Variants in CKAP2 observed in about 807,000 individuals in gnomAD.
CKAP2 encodes the protein cytoskeleton-associated protein 2.
CKAP2 carries 46 observed loss-of-function variants against 58.4 expected under a neutral mutation model. The ratio of observed to expected loss-of-function variants is 0.79; its 90% CI spans 0.62 to 1.01. CKAP2 has a LOEUF of 1.01. CKAP2 is among the 50% of genes least tolerant of loss of function. The pLI is 0.00. For missense variants in CKAP2, 809 were observed against 796.4 expected, an observed-to-expected ratio of 1.02 and a Z score of -0.19; for synonymous variants, 293 against 280.9, an observed-to-expected ratio of 1.04 and a Z score of -0.43.
intron 2 of CKAP2, among the ~76,000 whole-genome samples, chr13:52,459,697 A>G (rs1353078974): frequency 2.0e-5 from 3 of 152,062 alleles, no homozygotes; most frequent in African/African-American, 7.2e-5. Flanking sequence ...TCTTAAAATC[A>G]ATGGCATGTC....
intron 6 of CKAP2, chr13:52,465,931 A>G: frequency 3.2e-6 from 1 of 314,202 alleles, no homozygotes; most frequent in Non-Finnish European, 6.2e-6. Context: ...ATATATATAC[A>G]CACATATATA....
intron 2 of CKAP2, among the ~76,000 whole-genome samples, chr13:52,457,698 C>A (rs1217521936): frequency 2.0e-5 from 3 of 152,018 alleles, no homozygotes; most frequent in Non-Finnish European, 4.4e-5. Context: ...ACTAAAAATA[C>A]AAAAAATTAG....
At position 52,473,859 on chromosome 13, in the gene CKAP2, A is replaced by G. The variant is rs377566863; in HGVS notation, c.1577A>G (p.Lys526Arg). 22 of 1,611,814 alleles carry G rather than the reference A, an allele frequency of 1.4e-5. No individual in the cohort carries two copies. The highest frequency in any genetic ancestry group is 1.6e-5 in the Non-Finnish European group (19 of 1,179,100). The change falls in exon 8 of 9, where the codon AAG (lysine) becomes AGG (arginine). Residue 526 changes from lysine to arginine, a missense_variant. By Grantham distance (26) the Lys-to-Arg change is conservative. Around this residue, in one of 3 missense-constraint regions of CKAP2, gnomAD observed 283 missense variants for 287.6 expected, o/e 0.98. Transcript: ENST00000258607. Reference protein sequence around the residue: ...GENMEKSCASKEEVKEVSIED... With the variant: ...GENMEKSCASREEVKEVSIED... Reference sequence around the variant, plus strand: ...AATATGGAGAAGTCTTGTGCAAGCAAGGAAGAAGTCAAAGAAGTCAGTATT... The same window carrying G: ...AATATGGAGAAGTCTTGTGCAAGCAGGGAAGAAGTCAAAGAAGTCAGTATT...
chr13:52,455,998 TTAGG>T lies in CKAP2; in HGVS notation c.70+374_70+377del, dbSNP rs959680728. ...GCGCCTGCGCTGGGTCCTCCGCCTC[TTAGG>T]TCCCTAGCGAATTTCTGCAGGGCTG... On this transcript the variant is annotated intron_variant, in intron 1 of 8. Transcript: ENST00000258607. 3.7e-6 allele frequency: 4 copies of T among 1,073,538 alleles called. No homozygotes were observed. In the African/African-American group the frequency reaches 6.8e-5, roughly 18 times the overall value. The allele number at this position is 1,073,538 out of a possible 1,614,324, so 66.5% of individuals were successfully genotyped here. A position where few individuals can be genotyped will look rare whatever the true frequency, so the allele number is the denominator to read the frequency against.
intron 8 of CKAP2, 139 bp from the exon 9 acceptor site, chr13:52,474,756 A>G (rs1357415318): frequency 2.5e-6 from 2 of 792,692 alleles, no homozygotes; most frequent in Non-Finnish European, 3.9e-6. Flanking sequence ...CGGTGAGCTT[A>G]TAGTACCTCT....
rs988311426 is a variant in CKAP2 at position 52,461,788 on chromosome 13, T to C, written c.962T>C (p.Val321Ala). The C allele has an allele frequency of 3.6e-5, 58 of 1,613,976 alleles. No homozygotes were observed. The highest frequency in any genetic ancestry group is 4.6e-5 in the Non-Finnish European group (54 of 1,179,972). Residue 321 changes from valine (V) to alanine (A), a missense_variant, in exon 4 of 9, where the codon GTT becomes GCT. Physicochemically the swap from Val to Ala is moderately conservative, Grantham distance 64. Around this residue, in one of 3 missense-constraint regions of CKAP2, gnomAD observed 523 missense variants for 492.4 expected, o/e 1.06. Coordinates refer to ENST00000258607, the MANE Select transcript of CKAP2 (RefSeq NM_018204.5). ...CTATCAAGATCCATAGCATCTGAAG[T>C]TATAGCCAGGCCTGCTTCATTGTCT... is the stretch of plus-strand genomic sequence containing the variant. ...KTLSRSIASE[V>A]IARPASLSND...
At chr13:52,464,828 G>A (rs982099060) in intron 5 of CKAP2, among the ~76,000 whole-genome samples, 2 of 152,046 alleles carry the variant, frequency 1.3e-5, no homozygotes, top group African/African-American at 4.8e-5. Flanking sequence ...TTAACTTCTT[G>A]TGGTTCTGAA....
In CKAP2 at chr13:52,461,501, AAC is replaced by A. The variant is rs1261935303; in HGVS notation, c.677_678del (p.Thr226SerfsTer4). 28 of 1,614,050 alleles carry A rather than the reference AAC, an allele frequency of 1.7e-5. No homozygotes were observed. Among genetic ancestry groups the A allele is most frequent in the Non-Finnish European group, 2.4e-5 (28 of 1,180,044 alleles). On this transcript the variant is annotated frameshift_variant, in exon 4 of 9. Transcript: ENST00000258607. LOFTEE classifies it high-confidence loss of function. ...CTCAGCCTGTAAACACCAGCAGTGT[AAC>A]AGTGAAAAGTAATAGATCCTCCAAT... Reference protein sequence around the residue: ...KPQPVNTSSVTVKSNRSSNMT... With the variant: ...KPQPVNTSSVXVKSNRSSNMT...
chr13:52,465,962 T>A (rs1958667422), intron 6 of CKAP2: 2 of 277,194 alleles, frequency 7.2e-6, no homozygotes, highest in African/African-American at 4.6e-5. Context: ...TATGCACACA[T>A]ATATACACAC....
chr13:52,456,672 A>G (rs1156761605), intron 2 of CKAP2, 65 bp downstream of exon 2: 1 of 1,230,196 alleles, frequency 8.1e-7, no homozygotes, highest in Non-Finnish European at 1.2e-6. Context: ...ATGAAAATGT[A>G]AAGTAAGCCA....
intron 1 of CKAP2, chr13:52,456,240 C>G: frequency 3.1e-6 from 3 of 971,252 alleles, no homozygotes; most frequent in Non-Finnish European, 3.9e-6. Flanking sequence ...TAAAGCTTGG[C>G]TAGCAGGAGC....
At chr13:52,466,731 G>A (rs556556440) in intron 6 of CKAP2, among the ~76,000 whole-genome samples, 2 of 152,298 alleles carry the variant, frequency 1.3e-5, no homozygotes, top group East Asian at 3.9e-4. Context: ...TCAACTACTT[G>A]GGAGGCCAAG....
At chr13:52,474,860 G>A (rs768340962) in intron 8 of CKAP2, 35 bp from the exon 9 acceptor site, 2 of 1,592,154 alleles carry the variant, frequency 1.3e-6, no homozygotes, top group Non-Finnish European at 1.7e-6. Flanking sequence ...ATGTTAACAT[G>A]TTTTTGAACT....
At chr13:52,467,585 C>T (rs1417700010) in intron 6 of CKAP2, among the ~76,000 whole-genome samples, 8 of 151,876 alleles carry the variant, frequency 5.3e-5, no homozygotes, top group East Asian at 2.0e-4. Flanking sequence ...GGTGCCCACC[C>T]GTAATCCCAG....
Position 52,461,066 on chromosome 13 carries a change from A to T in CKAP2, c.240A>T (p.Lys80Asn), listed in dbSNP as rs764723599. Residue 80 changes from lysine to asparagine, a missense_variant, in exon 4 of 9, where the codon AAA (lysine) becomes AAT (asparagine). Physicochemically the swap from Lys to Asn is moderately conservative, Grantham distance 94 (BLOSUM62 0). Coordinates refer to ENST00000258607, the MANE Select transcript of CKAP2 (RefSeq NM_018204.5). ...TTAAATAATTCTTTCAGGCTGATAA[A>T]GAAAACATGAAGAGACCTGCAGAGA... ...VLKLKTKMAD[K>N]ENMKRPAESK... is the part of the protein sequence containing the mutation. The T allele has an allele frequency of 5.0e-6, 8 of 1,598,308 alleles. No homozygotes were observed. The highest frequency in any genetic ancestry group is 6.8e-6 in the Non-Finnish European group (8 of 1,175,092).
At chr13:52,458,350 G>A (rs1958519622) in intron 2 of CKAP2, among the ~76,000 whole-genome samples, 3 of 152,084 alleles carry the variant, frequency 2.0e-5, no homozygotes, top group Admixed American at 2.0e-4. Flanking sequence ...ATAAACTCAG[G>A]AATTGATTAG....
At chr13:52,473,596 T>C (rs1958787955) in intron 7 of CKAP2, 2 of 398,952 alleles carry the variant, frequency 5.0e-6, no homozygotes, top group South Asian at 1.1e-4. Context: ...TGTTTCTTTT[T>C]GTGGGTTTTA....
Position 52,475,095 on chromosome 13 carries a change from C to T in CKAP2, c.2003C>T (p.Pro668Leu), listed in dbSNP as rs1958810579. The T allele has an allele frequency of 6.2e-7, 1 of 1,614,052 alleles. No individual in the cohort carries two copies. Among genetic ancestry groups the T allele is most frequent in the Non-Finnish European group, 8.5e-7 (1 of 1,180,034 alleles). ...GAAACTGATGCTTTTGTATGCCGCC[C>T]TAATGCAGCACTGTGCCGGGTGTAC... ...GRETDAFVCR[P>L]NAALCRVYYE... Residue 668 changes from proline (P) to leucine (L), a missense_variant, in exon 9 of 9, where the codon CCT becomes CTT. Transcript: ENST00000258607.
Position 52,475,404 on chromosome 13 carries a change from C to T in CKAP2, c.*263C>T, listed in dbSNP as rs1412617419. 1 of 394,876 alleles carries T rather than the reference C, an allele frequency of 2.5e-6. No homozygotes were observed. The highest frequency in any genetic ancestry group is 4.6e-6 in the Non-Finnish European group (1 of 219,538). 24.5% of individuals were successfully genotyped at this position (394,876 alleles called of 1,614,324 possible). On this transcript the variant is annotated 3_prime_UTR_variant, in exon 9 of 9. Coordinates refer to ENST00000258607, the MANE Select transcript of CKAP2 (RefSeq NM_018204.5). ...ATTTTGTCAGCTAGTTTACTATGTT[C>T]CTTGAATATAAACAGGTTATAATAC...
Sources: allele counts gnomAD v4.1 joint callset (sites outside exome capture counted in the v4.1 genomes callset), GRCh38; gene constraint gnomAD v4.1.1; regional missense constraint gnomAD v4.1.1; transcripts MANE v1.5; gene names NCBI Gene and HGNC (gene_info 2026-07-23, HGNC 2026-07-21).